The following ZNF333 variants were observed in gnomAD, a reference collection of about 807,000 sequenced individuals.
The protein encoded by ZNF333 is zinc finger protein 333.
A neutral mutation model predicts 76.1 loss-of-function variants in ZNF333; 61 were observed. The observed-to-expected ratio is 0.80, with a 90% CI of 0.65 to 0.99. The LOEUF is 0.99. Among genes scored for constraint, ZNF333 ranks in the 50% least tolerant of loss-of-function variants. The probability of loss-of-function intolerance (pLI) is 0.00; values close to 1 mark genes in which losing one functional copy is unlikely to be tolerated. For missense variants in ZNF333, 717 were observed against 822.4 expected (o/e 0.87, Z 1.57); for synonymous variants, 284 against 305.0 (o/e 0.93, Z 0.72).
intron 1 of ZNF333, among the ~76,000 whole-genome samples, chr19:14,692,837 T>C (rs1568518046): frequency 6.6e-6 from 1 of 151,148 alleles, no homozygotes; most frequent in Non-Finnish European, 1.5e-5. Context: ...TTTTTTTTTT[T>C]CTTGACATGG....
chr19:14,731,171 T>G (rs2042668213), intron 11 of ZNF333: 4 of 1,534,620 alleles, frequency 2.6e-6, no homozygotes, highest in Non-Finnish European at 3.5e-6. Flanking sequence ...AATTCCCTTT[T>G]CAGCCACCCA....
intron 9 of ZNF333, among the ~76,000 whole-genome samples, 181 bp from the exon 10 acceptor site, chr19:14,716,813 A>G (rs1013257184): frequency 3.3e-5 from 5 of 152,260 alleles, no homozygotes; most frequent in African/African-American, 1.2e-4. Context: ...GTCCTCTGAG[A>G]CCTAGTGAGG....
rs11085909 is a variant in ZNF333, at chr19:14,719,937, G to A, written c.*612G>A. 0.53 allele frequency: 521,175 copies of A among 984,038 alleles called. 138,810 individuals are homozygous for A. Among genetic ancestry groups the A allele is most frequent in the East Asian group, 0.76 (6,650 of 8,804 alleles). 61.0% of individuals were successfully genotyped at this position (984,038 alleles called of 1,614,324 possible). On this transcript the variant is annotated 3_prime_UTR_variant, in exon 12 of 12. Coordinates refer to ENST00000292530, the MANE Select transcript of ZNF333 (RefSeq NM_032433.4). Reference sequence around the variant, plus strand: ...ACGGTGGCTCATGCCTCTAATCCCAGCACTTTGGGAGGCTGAGGCTGGGGG... The same window carrying A: ...ACGGTGGCTCATGCCTCTAATCCCAACACTTTGGGAGGCTGAGGCTGGGGG...
rs35567352 is a variant in ZNF333 at position 14,698,373 on chromosome 19, CAAAAAA to C, written c.224-809_224-804del. On this transcript the variant is annotated intron_variant, in intron 4 of 11. Coordinates refer to ENST00000292530, the MANE Select transcript of ZNF333 (RefSeq NM_032433.4). ...TGGGCGACAGAGTGAGACTCCGTCT[CAAAAAA>C]AAAAAAAAAAAAAAAATTAGCTGGG... Among the ~76,000 whole-genome samples, 5 of 67,452 alleles carry C rather than the reference CAAAAAA, an allele frequency of 7.4e-5. No individual in the cohort carries two copies. The South Asian group carries it at 2.4e-3, about 32-fold the overall frequency. 44.3% of individuals were successfully genotyped at this position (67,452 alleles called of 152,430 possible). A position where few individuals can be genotyped will look rare whatever the true frequency, so the allele number is the denominator to read the frequency against.
intron 11 of ZNF333, among the ~76,000 whole-genome samples, chr19:14,727,541 A>G (rs1211701615): frequency 6.6e-6 from 1 of 152,090 alleles, no homozygotes; most frequent in Admixed American, 6.5e-5. Flanking sequence ...GAACTACCAG[A>G]GCAAGAACTG....
At chr19:14,694,418 A>G (rs1973012700) in intron 2 of ZNF333, among the ~76,000 whole-genome samples, 1 of 152,054 alleles carries the variant, frequency 6.6e-6, no homozygotes, top group African/African-American at 2.4e-5. Context: ...GGTTGCAGTG[A>G]GCCGAGATGG....
At position 14,706,768 on chromosome 19, in the gene ZNF333, A is replaced by T. The variant is rs763087695; in HGVS notation, c.506A>T (p.Asp169Val). 38 of 1,613,140 alleles carry T rather than the reference A, an allele frequency of 2.4e-5. No individual in the cohort carries two copies. The highest frequency in any genetic ancestry group is 3.2e-5 in the Non-Finnish European group (38 of 1,179,842). The change falls in exon 7 of 12, where the codon GAT becomes GTT. Residue 169 changes from aspartate (D) to valine (V), a missense_variant. Asp to Val is a radical substitution (Grantham distance 152). Coordinates refer to ENST00000292530, the MANE Select transcript of ZNF333 (RefSeq NM_032433.4). ...CACCGCAACCCATGGGTGGCCAGGGATTCTGGTGAGTGAGTGCTGCGTGGA... is the reference window on the plus strand; with the variant it reads ...CACCGCAACCCATGGGTGGCCAGGGTTTCTGGTGAGTGAGTGCTGCGTGGA... ...LGHRNPWVAR[D>V]SAVPARDPAW... is the part of the protein sequence containing the mutation.
At chr19:14,695,398 G>C (rs1462400672) in intron 3 of ZNF333, among the ~76,000 whole-genome samples, 168 bp from the exon 4 acceptor site, 2 of 152,184 alleles carry the variant, frequency 1.3e-5, no homozygotes, top group East Asian at 3.9e-4. Context: ...TGGGTCCTGA[G>C]TTCATTAGCT....
chr19:14,695,259 C>A, intron 3 of ZNF333, 126 bp downstream of exon 3: 1 of 1,345,888 alleles, frequency 7.4e-7, no homozygotes. Flanking sequence ...GATGACAAAG[C>A]TTCATCTGTT....
At position 14,721,465 on chromosome 19, in the gene ZNF333, T is replaced by C. The variant is rs1042421382; in HGVS notation, c.*2140T>C. ...GGCCCCACCTCATCCTCAAAGGTTA[T>C]CACTATTCTGATGTCTATCACCATA... On this transcript the variant is annotated 3_prime_UTR_variant, in exon 12 of 12. Coordinates refer to ENST00000292530, the MANE Select transcript of ZNF333 (RefSeq NM_032433.4). 1.8e-4 allele frequency: 28 copies of C among 152,170 alleles called. No individual in the cohort carries two copies. Among genetic ancestry groups the C allele is most frequent in the Admixed American group, 1.8e-3 (27 of 15,278 alleles). 9.4% of individuals were successfully genotyped at this position (152,170 alleles called of 1,614,324 possible). A position where few individuals can be genotyped will look rare whatever the true frequency, so the allele number is the denominator to read the frequency against.
chr19:14,723,696 TCA>T (rs2042616418), downstream of ZNF333, among the ~76,000 whole-genome samples: 1 of 152,220 alleles, frequency 6.6e-6, no homozygotes, highest in African/African-American at 2.4e-5. Context: ...GTGTTGATCA[TCA>T]CACTTCTTTT....
Position 14,716,265 on chromosome 19 carries a change from T to A in ZNF333, c.727+27T>A, listed in dbSNP as rs776557374. 1.4e-5 allele frequency: 7 copies of A among 486,054 alleles called. No individual in the cohort carries two copies. The Admixed American group carries it at 1.7e-4, about 12-fold the overall frequency. 30.1% of individuals were successfully genotyped at this position (486,054 alleles called of 1,614,324 possible). On this transcript the variant is annotated intron_variant, in intron 9 of 11. Transcript: ENST00000292530. ...TAAGGCAGCTTCATCTTTTCTTTCC[T>A]TTTTTTTTTTTGAGACAGAGTCTTG...
intron 11 of ZNF333, among the ~76,000 whole-genome samples, chr19:14,728,537 C>G (rs983284278): frequency 2.6e-5 from 4 of 152,146 alleles, no homozygotes; most frequent in African/African-American, 9.7e-5. Context: ...AAGCACATCA[C>G]TTATAAATGT....
At chr19:14,707,638 G>A (rs1301484584) in intron 7 of ZNF333, among the ~76,000 whole-genome samples, 5 of 135,342 alleles carry the variant, frequency 3.7e-5, no homozygotes, top group South Asian at 2.5e-4. Context: ...TGCAAGCTCC[G>A]CCTCTTGGGT....
chr19:14,730,169 C>T (rs539403034), intron 11 of ZNF333, among the ~76,000 whole-genome samples: 8 of 152,242 alleles, frequency 5.3e-5, no homozygotes, highest in East Asian at 3.9e-4. Context: ...TCTTCTGCCT[C>T]GCAGCCTCCT....
At chr19:14,692,142 C>T (rs907234866) in intron 1 of ZNF333, among the ~76,000 whole-genome samples, 2 of 152,074 alleles carry the variant, frequency 1.3e-5, no homozygotes, top group African/African-American at 4.8e-5. Context: ...ACAGTGCTTG[C>T]CCCTGTGGAG....
chr19:14,714,453 G>A (rs73014710), intron 7 of ZNF333, among the ~76,000 whole-genome samples: 84,437 of 151,952 alleles, frequency 0.56, 23,845 homozygotes, highest in East Asian at 0.76. Context: ...AGAAGCCAGG[G>A]AGGGGCAAGG....
intron 7 of ZNF333, among the ~76,000 whole-genome samples, chr19:14,713,850 A>C (rs2042347137): frequency 6.6e-6 from 1 of 151,964 alleles, no homozygotes; most frequent in South Asian, 2.1e-4. Context: ...AGTCTCAGCT[A>C]CTTGGGAGGC....
chr19:14,710,808 A>G (rs2146996069), intron 7 of ZNF333, among the ~76,000 whole-genome samples: 1 of 152,232 alleles, frequency 6.6e-6, no homozygotes, highest in South Asian at 2.1e-4. Flanking sequence ...AAAAGTAAAT[A>G]AAAGAAGTGT....
Sources: allele counts gnomAD v4.1 joint callset (sites outside exome capture counted in the v4.1 genomes callset), GRCh38; gene constraint gnomAD v4.1.1; transcripts MANE v1.5; gene names NCBI Gene and HGNC (gene_info 2026-07-23, HGNC 2026-07-21).